The following PRDM16 variants were observed in gnomAD, a reference collection of about 807,000 sequenced individuals.
PRDM16 encodes histone-lysine N-methyltransferase PRDM16.
PRDM16 carries 23 observed loss-of-function variants against 110.6 expected under a neutral mutation model. That is an observed-to-expected ratio of 0.21 (90% CI 0.15 to 0.29). PRDM16 has a LOEUF of 0.29. Ranked by LOEUF, PRDM16 falls within the 10% of genes least tolerant of loss-of-function variation. The pLI, the probability that PRDM16 is intolerant of heterozygous loss-of-function variation, is 1.00. For synonymous variants in PRDM16, 799 were observed against 781.8 expected (o/e 1.02, Z -0.37); for missense variants, 1,615 against 1,794.3 (o/e 0.90, Z 1.81).
Position 3,432,086 on chromosome 1 carries a change from C to T in PRDM16, c.3642C>T (p.Ser1214=), listed in dbSNP as rs1253624849. Residue 1214 remains serine, a synonymous_variant, in exon 16 of 17, where the codon TCC becomes TCT. Transcript: ENST00000270722. The part of the protein sequence containing the change: ...EAFEVKDVLN[S]TLDSEALKHT... ...TTGAAGTTAAAGATGTGCTTAATTC[C>T]ACCTTAGATTCTGAGGCTTTAAAAC... is the stretch of plus-strand genomic sequence containing the variant. 5 of 1,614,084 alleles carry T rather than the reference C, an allele frequency of 3.1e-6. No homozygotes were observed. Among genetic ancestry groups the T allele is most frequent in the Non-Finnish European group, 4.2e-6 (5 of 1,179,996 alleles).
intron 2 of PRDM16, among the ~76,000 whole-genome samples, chr1:3,197,692 G>A (rs1638513790): frequency 6.6e-6 from 1 of 152,204 alleles, no homozygotes; most frequent in African/African-American, 2.4e-5. Context: ...AGAATGGGTG[G>A]GGAGGGCGGC....
At chr1:3,240,690 T>C (rs1258066325) in intron 2 of PRDM16, among the ~76,000 whole-genome samples, 1 of 152,224 alleles carries the variant, frequency 6.6e-6, no homozygotes, top group Admixed American at 6.5e-5. Context: ...GATCCATTTG[T>C]GGCACCAAAC....
chr1:3,417,371 A>C (rs760110187), intron 10 of PRDM16, among the ~76,000 whole-genome samples: 2 of 152,244 alleles, frequency 1.3e-5, no homozygotes, highest in African/African-American at 2.4e-5. Flanking sequence ...TAATTTTTCA[A>C]GACTAAAAAA....
chr1:3,406,108 G>T (rs569755997), intron 8 of PRDM16, among the ~76,000 whole-genome samples: 26 of 152,334 alleles, frequency 1.7e-4, no homozygotes, highest in Non-Finnish European at 3.4e-4. Flanking sequence ...AGGGGGCCCT[G>T]TCTGTGCCCA....
Position 3,416,468 on chromosome 1 carries a change from G to GC in PRDM16, c.2692-1356dup, listed in dbSNP as rs34946168. Among the ~76,000 whole-genome samples, 9 of 152,268 alleles carry GC rather than the reference G, an allele frequency of 5.9e-5. No homozygotes were observed. The East Asian group carries it at 1.4e-3, about 23-fold the overall frequency. ...CCAGAGGCAGCGAGCCCTATATGAA[G>GC]CCCCTTGATGACGCAGGTCCTCACC... On this transcript the variant is annotated intron_variant, in intron 10 of 16. Transcript: ENST00000270722.
chr1:3,091,548 G>A (rs1258427213), intron 1 of PRDM16, among the ~76,000 whole-genome samples: 2 of 152,232 alleles, frequency 1.3e-5, no homozygotes, highest in East Asian at 1.9e-4. Flanking sequence ...ACACTTCTCC[G>A]TGCACCCCTC....
chr1:3,099,614 C>T (rs1642486295), intron 1 of PRDM16, among the ~76,000 whole-genome samples: 1 of 152,182 alleles, frequency 6.6e-6, no homozygotes, highest in African/African-American at 2.4e-5. Flanking sequence ...GAGGTGCTCC[C>T]TGATCCCAGG....
intron 1 of PRDM16, among the ~76,000 whole-genome samples, chr1:3,147,196 CGT>C (rs1394245556): frequency 1.3e-5 from 2 of 149,696 alleles, no homozygotes; most frequent in African/African-American, 5.0e-5. Flanking sequence ...TGGGTGTGGA[CGT>C]GTGTGTTCAG....
At position 3,243,603 on chromosome 1, in the gene PRDM16, T is replaced by A. The variant is rs986201570; in HGVS notation, c.388-484T>A. 3.9e-5 allele frequency among the ~76,000 whole-genome samples: 6 copies of A among 152,240 alleles called. No individual in the cohort carries two copies. Among genetic ancestry groups the A allele is most frequent in the Non-Finnish European group, 7.3e-5 (5 of 68,046 alleles). On this transcript the variant is annotated intron_variant, in intron 2 of 16. Transcript: ENST00000270722. This position sits in a 1 kb window ranked among gnomAD's most constrained non-coding sequence, Gnocchi z 5.5. Reference sequence around the variant, plus strand: ...GGACTGCACCTCGCTGTCTCTCACCTGTCCAGGACCAGGCACAACCTAGGC... The same window carrying A: ...GGACTGCACCTCGCTGTCTCTCACCAGTCCAGGACCAGGCACAACCTAGGC...
At chr1:3,428,399 G>A (rs1638679233) in intron 14 of PRDM16, among the ~76,000 whole-genome samples, 1 of 152,186 alleles carries the variant, frequency 6.6e-6, no homozygotes, top group Non-Finnish European at 1.5e-5. Flanking sequence ...CTATGGCAAG[G>A]CCCACAGTGC....
intron 2 of PRDM16, among the ~76,000 whole-genome samples, chr1:3,232,421 A>G (rs1408158551): frequency 6.6e-6 from 1 of 152,262 alleles, no homozygotes; most frequent in Non-Finnish European, 1.5e-5. Context: ...AGGATGATGC[A>G]GTGACACCTT....
intron 3 of PRDM16, among the ~76,000 whole-genome samples, chr1:3,313,310 C>G (rs555022105): frequency 6.6e-6 from 1 of 152,338 alleles, no homozygotes; most frequent in African/African-American, 2.4e-5. Flanking sequence ...TGAGTCAGCG[C>G]CGAGCGGTGA....
chr1:3,341,784 T>C (rs1460988413), intron 3 of PRDM16, among the ~76,000 whole-genome samples: 2 of 152,234 alleles, frequency 1.3e-5, no homozygotes, highest in African/African-American at 4.8e-5. Context: ...CACACAGTCA[T>C]GAGGGTGAAC....
At chr1:3,325,654 G>A (rs61759196) in intron 3 of PRDM16, among the ~76,000 whole-genome samples, 7,549 of 152,312 alleles carry the variant, frequency 0.05, 281 homozygotes, top group Non-Finnish European at 0.077. Context: ...GAGATCCAGG[G>A]GAGGTCAGGG....
chr1:3,283,664 G>T lies in PRDM16; in HGVS notation c.438+39527G>T, dbSNP rs187231174. Among the ~76,000 whole-genome samples the T allele has an allele frequency of 1.4e-3, 215 of 152,248 alleles. 1 individual carries two copies. Among genetic ancestry groups the T allele is most frequent in the African/African-American group, 4.9e-3 (202 of 41,534 alleles). ...CCTCAAGGTCAGAGGAAGAGACAGG[G>T]GGTGGTCAGCGAAGGGTTATGGGGA... On this transcript the variant is annotated intron_variant, in intron 3 of 16. Transcript: ENST00000270722.
rs140571841 is a variant in PRDM16, at chr1:3,252,970, G to A, written c.438+8833G>A. 1.3e-3 allele frequency among the ~76,000 whole-genome samples: 193 copies of A among 152,166 alleles called. 2 individuals are homozygous for A. The highest frequency in any genetic ancestry group is 4.1e-3 in the African/African-American group (171 of 41,514). Reference sequence around the variant, plus strand: ...TGTGGCATTCCCCCTCCCTGGCTCCGACACCGGGCTGTCCTCTACCAAACA... The same window carrying A: ...TGTGGCATTCCCCCTCCCTGGCTCCAACACCGGGCTGTCCTCTACCAAACA... On this transcript the variant is annotated intron_variant, in intron 3 of 16. Coordinates refer to ENST00000270722, the MANE Select transcript of PRDM16 (RefSeq NM_022114.4).
At chr1:3,292,291 G>A (rs776163055) in intron 3 of PRDM16, among the ~76,000 whole-genome samples, 14 of 152,240 alleles carry the variant, frequency 9.2e-5, no homozygotes, top group Non-Finnish European at 1.6e-4. Flanking sequence ...GAGCAGAGCC[G>A]AGGTGATAAC....
rs551098889 is a variant in PRDM16 at position 3,232,338 on chromosome 1, A to T, written c.388-11749A>T. Among the ~76,000 whole-genome samples, 54 of 152,274 alleles carry T rather than the reference A, an allele frequency of 3.5e-4. No individual in the cohort carries two copies. In the Middle Eastern group the frequency reaches 0.01, roughly 29 times the overall value. ...TGGCCCTGTGACATTGGACGACTTAACCTAACCTCTCTGAGCCTCAGCATT... is the reference window on the plus strand; with the variant it reads ...TGGCCCTGTGACATTGGACGACTTATCCTAACCTCTCTGAGCCTCAGCATT... On this transcript the variant is annotated intron_variant, in intron 2 of 16. Coordinates refer to ENST00000270722, the MANE Select transcript of PRDM16 (RefSeq NM_022114.4).
chr1:3,101,237 T>C (rs1417104518), intron 1 of PRDM16, among the ~76,000 whole-genome samples: 1 of 152,100 alleles, frequency 6.6e-6, no homozygotes, highest in Non-Finnish European at 1.5e-5. Flanking sequence ...TCCCGAGAGA[T>C]AGTGGCTCCC....
Sources: gnomAD v4.1 joint callset for allele counts (sites outside exome capture counted in the v4.1 genomes callset) on GRCh38, gnomAD v4.1.1 for gene constraint, Gnocchi (gnomAD v3.1) non-coding constraint, MANE v1.5 for transcripts, NCBI Gene and HGNC (gene_info 2026-07-23, HGNC 2026-07-21) for gene names.